The following ABCA12 variants were observed in gnomAD, a reference collection of about 807,000 sequenced individuals.
ABCA12 encodes the protein glucosylceramide transporter ABCA12.
A neutral mutation model predicts 293.5 loss-of-function variants in ABCA12; 156 were observed. The ratio of observed to expected loss-of-function variants is 0.53; its 90% CI spans 0.47 to 0.61. ABCA12 has a LOEUF of 0.61. Ranked by LOEUF, ABCA12 falls within the 20% of genes least tolerant of loss-of-function variation. ABCA12 has a pLI of 0.00. For synonymous variants in ABCA12, 1,063 were observed against 1,108.0 expected, an observed-to-expected ratio of 0.96 and a Z score of 0.81; for missense variants, 2,797 against 3,090.2, an observed-to-expected ratio of 0.91 and a Z score of 2.25.
In ABCA12 at chr2:215,138,407, G is replaced by A. The variant is rs1338009403; in HGVS notation, c.-199C>T. On this transcript the variant is annotated 5_prime_UTR_variant, in exon 1 of 53. Coordinates refer to ENST00000272895, the MANE Select transcript of ABCA12 (RefSeq NM_173076.3). ...CCCTGTGGTTAATCCTTAACCAAGA[G>A]GCACTTCTCAATCAACTCTTCTTCC... 3.2e-6 allele frequency: 2 copies of A among 618,438 alleles called. No individual in the cohort carries two copies. Among genetic ancestry groups the A allele is most frequent in the African/African-American group, 3.7e-5 (2 of 54,246 alleles). The allele number at this position is 618,438 out of a possible 1,614,324, so 38.3% of individuals were successfully genotyped here.
chr2:215,105,246 T>C (rs930842944), intron 2 of ABCA12, among the ~76,000 whole-genome samples: 2 of 152,130 alleles, frequency 1.3e-5, no homozygotes, highest in African/African-American at 2.4e-5. Flanking sequence ...AAGAGAGATA[T>C]AAAGGAAAAT....
chr2:214,963,695 C>A (rs1699177746), intron 39 of ABCA12, among the ~76,000 whole-genome samples: 1 of 150,890 alleles, frequency 6.6e-6, no homozygotes. Flanking sequence ...GGGTGGATCA[C>A]CTGAAGTCAG....
chr2:214,987,148 T>A (rs1699805726), intron 27 of ABCA12, among the ~76,000 whole-genome samples: 1 of 152,032 alleles, frequency 6.6e-6, no homozygotes, highest in South Asian at 2.1e-4. Context: ...TCCAGTTCAT[T>A]AATAACTATC....
At chr2:214,952,378 G>A (rs1373875831) in intron 44 of ABCA12, among the ~76,000 whole-genome samples, 5 of 151,928 alleles carry the variant, frequency 3.3e-5, no homozygotes, top group African/African-American at 4.8e-5. Context: ...GTGCCATCAC[G>A]TCCAGCTAGT....
At chr2:214,961,186 G>C (rs1452234622) in intron 39 of ABCA12, among the ~76,000 whole-genome samples, 1 of 152,100 alleles carries the variant, frequency 6.6e-6, no homozygotes, top group East Asian at 1.9e-4. Flanking sequence ...TTCTTTGAAA[G>C]AGATCGAGTT....
At chr2:215,088,807 C>T (rs1702086902) in intron 2 of ABCA12, among the ~76,000 whole-genome samples, 1 of 152,142 alleles carries the variant, frequency 6.6e-6, no homozygotes, top group Non-Finnish European at 1.5e-5. Flanking sequence ...GTGCATTTGT[C>T]ATTAGGAATG....
intron 1 of ABCA12, among the ~76,000 whole-genome samples, chr2:215,129,506 T>C (rs1703004531): frequency 6.6e-6 from 1 of 152,230 alleles, no homozygotes. Context: ...TTTCATGTGT[T>C]GGTTGACCAC....
intron 14 of ABCA12, 67 bp downstream of exon 14, chr2:215,017,941 C>T (rs1700541918): frequency 6.2e-7 from 1 of 1,606,766 alleles, no homozygotes; most frequent in African/African-American, 1.3e-5. Flanking sequence ...GGTAAGCGCT[C>T]AACAAATGCT....
chr2:214,998,676 C>T (rs540125306), intron 22 of ABCA12, among the ~76,000 whole-genome samples: 1 of 152,278 alleles, frequency 6.6e-6, no homozygotes, highest in Non-Finnish European at 1.5e-5. Flanking sequence ...AAAGAGATTA[C>T]TAAAACACAA....
intron 2 of ABCA12, among the ~76,000 whole-genome samples, chr2:215,099,998 ATCTCTC>A (rs771541522): frequency 1.2e-4 from 17 of 147,806 alleles, no homozygotes; most frequent in African/African-American, 3.0e-4. Context: ...GATGAAATTG[ATCTCTC>A]TCTCTCTCTC....
Position 214,978,410 on chromosome 2 carries a change from G to C in ABCA12, c.5034C>G (p.His1678Gln), listed in dbSNP as rs372794722. 2.0e-5 allele frequency: 32 copies of C among 1,613,838 alleles called. No homozygotes were observed. The highest frequency in any genetic ancestry group is 2.6e-5 in the Non-Finnish European group (31 of 1,179,968). ...AATTCCCAATTTTCTTTTGTGTTAA[G>C]TGCTCAAGACTCATAGCACTATTTT... is the stretch of plus-strand genomic sequence containing the variant. ...SQKNSAMSLE[H>Q]LTQKKIGNSN... The change falls in exon 33 of 53, where the codon CAC becomes CAG. Residue 1678 changes from histidine (H) to glutamine (Q), a missense_variant. Around this residue, in one of 3 missense-constraint regions of ABCA12, gnomAD observed 2,130 missense variants for 2,427.0 expected, o/e 0.88. Transcript: ENST00000272895.
At chr2:215,093,114 A>G (rs116274586) in intron 2 of ABCA12, among the ~76,000 whole-genome samples, 6,249 of 152,132 alleles carry the variant, frequency 0.041, 409 homozygotes, top group African/African-American at 0.14. Flanking sequence ...TCCAACATCT[A>G]TTCTCAAAGG....
chr2:215,040,479 A>T (rs574322460), intron 7 of ABCA12, among the ~76,000 whole-genome samples: 1 of 152,330 alleles, frequency 6.6e-6, no homozygotes, highest in South Asian at 2.1e-4. Flanking sequence ...TGGCAAAGAT[A>T]TGAAGAAATC....
At chr2:215,075,606 T>A in intron 2 of ABCA12, 2 of 690,310 alleles carry the variant, frequency 2.9e-6, no homozygotes, top group Non-Finnish European at 5.2e-6. Context: ...GTGTTCCAAG[T>A]AGAAGAATCC....
chr2:214,942,926 T>G lies in ABCA12; in HGVS notation c.7435A>C (p.Arg2479=), dbSNP rs762036465. The G allele has an allele frequency of 1.2e-6, 2 of 1,612,882 alleles. No homozygotes were observed. The highest frequency in any genetic ancestry group is 1.7e-6 in the Non-Finnish European group (2 of 1,179,352). The change falls in exon 50 of 53, where the codon AGG becomes CGG. Residue 2479 remains arginine, a splice_region_variant and synonymous_variant. Transcript: ENST00000272895. ...CIGSLQHIKS[R]FGRGFTVKVH... is the part of the protein sequence containing the mutation. ...TTAAGCAATGCATTTGTTCTTCACCTGCTCTTTATGTGCTGCAAAGATCCA... is the reference window on the plus strand; with the variant it reads ...TTAAGCAATGCATTTGTTCTTCACCGGCTCTTTATGTGCTGCAAAGATCCA...
intron 1 of ABCA12, among the ~76,000 whole-genome samples, chr2:215,136,813 T>C (rs563733187): frequency 3.9e-5 from 6 of 152,054 alleles, no homozygotes; most frequent in Non-Finnish European, 8.8e-5. Context: ...TCATGCCACA[T>C]CTAACTAATC....
In ABCA12 at chr2:215,025,520, T is replaced by A. The variant is rs1700718710; in HGVS notation, c.1287+153A>T. 2.1e-5 allele frequency: 13 copies of A among 625,126 alleles called. No individual in the cohort carries two copies. In the East Asian group the frequency reaches 3.7e-4, roughly 18 times the overall value. The allele number at this position is 625,126 out of a possible 1,614,324, so 38.7% of individuals were successfully genotyped here. ...AAGTAGGGCCATTATAAATCTAGAG[T>A]TAAAATAGCATCATTATTTACAAAG... On this transcript the variant is annotated intron_variant, in intron 11 of 52. Transcript: ENST00000272895.
At chr2:215,025,877 T>G in intron 10 of ABCA12, 98 bp from the exon 11 acceptor site, 1 of 814,410 alleles carries the variant, frequency 1.2e-6, no homozygotes, top group Non-Finnish European at 2.1e-6. Flanking sequence ...TACTAAATTT[T>G]TCCTAAGATA....
At chr2:215,115,966 C>A (rs1394200592) in intron 1 of ABCA12, among the ~76,000 whole-genome samples, 3 of 152,166 alleles carry the variant, frequency 2.0e-5, no homozygotes, top group Non-Finnish European at 4.4e-5. Flanking sequence ...CGACCGATTT[C>A]ATAAGAGCAG....
Sources: gnomAD v4.1 joint callset for allele counts (sites outside exome capture counted in the v4.1 genomes callset) on GRCh38, gnomAD v4.1.1 for gene constraint, gnomAD v4.1.1 regional missense constraint, MANE v1.5 for transcripts, NCBI Gene and HGNC (gene_info 2026-07-23, HGNC 2026-07-21) for gene names.